The following SPECC1L variants were observed in gnomAD, a reference collection of about 807,000 sequenced individuals.
The protein encoded by SPECC1L is cytospin-A.
SPECC1L carries 40 observed loss-of-function variants against 116.8 expected under a neutral mutation model. The ratio of observed to expected loss-of-function variants is 0.34; its 90% CI spans 0.27 to 0.45. The LOEUF (loss-of-function observed/expected upper bound fraction) is 0.45, where lower values mean the gene tolerates loss of function less well. Among genes scored for constraint, SPECC1L ranks in the 20% least tolerant of loss-of-function variants. SPECC1L has a pLI of 1.00. For synonymous variants in SPECC1L, 504 were observed against 500.6 expected, an observed-to-expected ratio of 1.01 and a Z score of -0.09; for missense variants, 1,110 against 1,373.6, an observed-to-expected ratio of 0.81 and a Z score of 3.03.
intron 6 of SPECC1L, among the ~76,000 whole-genome samples, chr22:24,326,229 C>T (rs1177816996): frequency 6.6e-6 from 1 of 152,186 alleles, no homozygotes; most frequent in Non-Finnish European, 1.5e-5. Context: ...CCACGCCTGA[C>T]CGCCTGTTTT....
At chr22:24,339,964 TG>T (rs2146536802) in intron 10 of SPECC1L, among the ~76,000 whole-genome samples, 2 of 152,068 alleles carry the variant, frequency 1.3e-5, no homozygotes, top group South Asian at 4.2e-4. Flanking sequence ...TCTGTGTTTT[TG>T]GTAAAGACAG....
At chr22:24,302,128 G>A (rs997723648) in intron 2 of SPECC1L, 67 bp from the exon 3 acceptor site, 207 of 1,274,718 alleles carry the variant, frequency 1.6e-4, no homozygotes, top group Non-Finnish European at 2.2e-4. Flanking sequence ...AAAATTCTTC[G>A]AAAACAAATT....
intron 14 of SPECC1L, among the ~76,000 whole-genome samples, chr22:24,393,477 C>A (rs992199007): frequency 1.3e-5 from 2 of 152,182 alleles, no homozygotes; most frequent in Non-Finnish European, 2.9e-5. Context: ...TGCCAGTTAG[C>A]GTCCACCCAG....
At chr22:24,390,878 T>C (rs961072091) in intron 14 of SPECC1L, among the ~76,000 whole-genome samples, 117 of 91,104 alleles carry the variant, frequency 1.3e-3, no homozygotes, top group African/African-American at 4.8e-3. Context: ...TTTTCTTTTT[T>C]TTTTTTTTTT....
At chr22:24,383,991 G>A (rs1422996178) in intron 14 of SPECC1L, among the ~76,000 whole-genome samples, 3 of 151,574 alleles carry the variant, frequency 2.0e-5, no homozygotes, top group African/African-American at 7.3e-5. Context: ...ATTAGCTTGA[G>A]CTAGGAACTC....
intron 2 of SPECC1L, among the ~76,000 whole-genome samples, chr22:24,296,896 A>G (rs1231161315): frequency 6.6e-6 from 1 of 151,788 alleles, no homozygotes; most frequent in African/African-American, 2.4e-5. Context: ...TAGTGTGGTG[A>G]CAGTTCTGTA....
chr22:24,408,373 G>A (rs2042630854), intron 14 of SPECC1L, among the ~76,000 whole-genome samples: 1 of 152,230 alleles, frequency 6.6e-6, no homozygotes, highest in Non-Finnish European at 1.5e-5. Flanking sequence ...CCGCATGGAG[G>A]GCGGGCCAGG....
At chr22:24,284,806 A>G (rs1047528820) in intron 2 of SPECC1L, among the ~76,000 whole-genome samples, 2 of 152,182 alleles carry the variant, frequency 1.3e-5, no homozygotes, top group Admixed American at 6.5e-5. Context: ...GTTCAGAAAG[A>G]AGGAGGACAA....
chr22:24,351,979 A>C (rs2041433980), intron 11 of SPECC1L, among the ~76,000 whole-genome samples: 1 of 149,222 alleles, frequency 6.7e-6, no homozygotes, highest in Non-Finnish European at 1.5e-5. Context: ...ATAGAGCGAG[A>C]CTCTGTCTCA....
intron 14 of SPECC1L, among the ~76,000 whole-genome samples, chr22:24,385,196 TATA>T (rs1196362339): frequency 4.6e-5 from 7 of 152,238 alleles, no homozygotes; most frequent in Non-Finnish European, 1.0e-4. Flanking sequence ...TCAGTGTGGC[TATA>T]ATATTTAAAA....
At chr22:24,408,712 A>T (rs879592414) in intron 14 of SPECC1L, among the ~76,000 whole-genome samples, 2 of 152,256 alleles carry the variant, frequency 1.3e-5, no homozygotes, top group Admixed American at 1.3e-4. Context: ...GTTCAGGTTA[A>T]TGAGAGGAAA....
intron 2 of SPECC1L, among the ~76,000 whole-genome samples, chr22:24,277,273 C>T (rs191237146): frequency 2.0e-5 from 3 of 152,282 alleles, no homozygotes; most frequent in East Asian, 1.9e-4. Flanking sequence ...TCCCAGTCTC[C>T]GGTACCCTAT....
intron 14 of SPECC1L, among the ~76,000 whole-genome samples, chr22:24,400,928 TC>T (rs2146777246): frequency 6.6e-6 from 1 of 152,362 alleles, no homozygotes; most frequent in African/African-American, 2.4e-5. Flanking sequence ...CTGTTGTTGA[TC>T]AAGTTCATGT....
intron 3 of SPECC1L, among the ~76,000 whole-genome samples, chr22:24,305,023 G>C (rs1210699114): frequency 6.6e-6 from 1 of 152,166 alleles, no homozygotes; most frequent in African/African-American, 2.4e-5. Context: ...CTGATGGGGG[G>C]TGTTTATGTG....
chr22:24,358,682 G>A (rs2041581324), intron 11 of SPECC1L, among the ~76,000 whole-genome samples: 1 of 152,128 alleles, frequency 6.6e-6, no homozygotes, highest in African/African-American at 2.4e-5. Flanking sequence ...CAACTGCTAT[G>A]GTTGTCCCAG....
At chr22:24,288,620 T>A (rs2049096706) in intron 2 of SPECC1L, among the ~76,000 whole-genome samples, 1 of 68,332 alleles carries the variant, frequency 1.5e-5, no homozygotes, top group African/African-American at 5.6e-5. Flanking sequence ...TTAAGCTTTT[T>A]TTTTTTTTTT....
At chr22:24,293,758 G>A (rs1333733036) in intron 2 of SPECC1L, among the ~76,000 whole-genome samples, 1 of 134,384 alleles carries the variant, frequency 7.4e-6, no homozygotes, top group Admixed American at 7.9e-5. Context: ...AGGAGTGGAT[G>A]GGGAATGTGT....
At chr22:24,376,804 C>A (rs1366716286) in intron 14 of SPECC1L, among the ~76,000 whole-genome samples, 2 of 151,734 alleles carry the variant, frequency 1.3e-5, no homozygotes, top group East Asian at 3.9e-4. Flanking sequence ...GTGAAAATTA[C>A]ACAATCACCT....
chr22:24,390,872 C>CTTTTTTTTTTTT lies in SPECC1L; in HGVS notation c.3088-20701_3088-20690dup, dbSNP rs1016008966. Among the ~76,000 whole-genome samples, 25 of 57,118 alleles carry CTTTTTTTTTTTT rather than the reference C, an allele frequency of 4.4e-4. 2 individuals are homozygous for CTTTTTTTTTTTT. The highest frequency in any genetic ancestry group is 5.6e-4 in the East Asian group (1 of 1,772). The allele number at this position is 57,118 out of a possible 152,430, so 37.5% of individuals were successfully genotyped here. On this transcript the variant is annotated intron_variant, in intron 14 of 16. Transcript: ENST00000314328. ...TGTTCCTTTTTTTTTTTTTTCTTTT[C>CTTTTTTTTTTTT]TTTTTTTTTTTTTTTTTTTTTTTTT...
Sources: gnomAD v4.1 joint callset for allele counts (sites outside exome capture counted in the v4.1 genomes callset) on GRCh38, gnomAD v4.1.1 for gene constraint, MANE v1.5 for transcripts, NCBI Gene and HGNC (gene_info 2026-07-23, HGNC 2026-07-21) for gene names.